Variants in SAMMSON observed in about 807,000 individuals in gnomAD.
The protein encoded by SAMMSON is long intergenic non-protein coding RNA 1212.
chr3:70,085,073 C>T (rs562068033), intron 4 of SAMMSON, among the ~76,000 whole-genome samples: 102 of 152,170 alleles, frequency 6.7e-4, no homozygotes, highest in African/African-American at 2.3e-3. Context: ...CTGGATAAAG[C>T]GGTCAAGAGG....
chr3:70,042,181 G>A (rs2067108666), intron 3 of SAMMSON, among the ~76,000 whole-genome samples: 1 of 152,054 alleles, frequency 6.6e-6, no homozygotes, highest in Admixed American at 6.6e-5. Context: ...GAGAAAATGA[G>A]TATCTATGTT....
In SAMMSON at chr3:70,356,201, C is replaced by T. The variant is rs115936490; in HGVS notation, n.842+1924C>T. On this transcript the variant is annotated intron_variant and non_coding_transcript_variant, in intron 8 of 9. Transcript: ENST00000642114. ...CCCTTCATTAACTTTTTTACAAAAT[C>T]ATTGGCTTTTTATAGATTATAAAAT... Among the ~76,000 whole-genome samples the T allele has an allele frequency of 3.3e-3, 499 of 152,154 alleles. 3 individuals carry two copies. Among genetic ancestry groups the T allele is most frequent in the African/African-American group, 0.012 (478 of 41,516 alleles).
At position 70,253,428 on chromosome 3, in the gene SAMMSON, C is replaced by T. The variant is rs138564744; in HGVS notation, n.674+3758C>T. Among the ~76,000 whole-genome samples, 392 of 152,230 alleles carry T rather than the reference C, an allele frequency of 2.6e-3. 7 individuals are homozygous for T. Among genetic ancestry groups the T allele is most frequent in the African/African-American group, 8.7e-3 (362 of 41,538 alleles). On this transcript the variant is annotated intron_variant and non_coding_transcript_variant, in intron 6 of 9. Transcript: ENST00000642114. ...TTGTAGAATACCAGAGCCTTGGCTG[C>T]TTTCGGTGGGGCACCTTATTTCCAC...
intron 6 of SAMMSON, among the ~76,000 whole-genome samples, chr3:70,276,856 CA>C (rs769679849): frequency 1.3e-5 from 2 of 152,202 alleles, no homozygotes; most frequent in Non-Finnish European, 2.9e-5. Context: ...ACAAATCCTT[CA>C]AATTAGATTG....
chr3:70,085,890 T>A (rs751876179), intron 4 of SAMMSON, among the ~76,000 whole-genome samples: 8 of 152,168 alleles, frequency 5.3e-5, no homozygotes, highest in Non-Finnish European at 1.0e-4. Context: ...CATAAGCTGA[T>A]CAACAAATGA....
chr3:70,115,118 T>G (rs73838057), intron 4 of SAMMSON, among the ~76,000 whole-genome samples: 4,318 of 151,360 alleles, frequency 0.029, 198 homozygotes, highest in African/African-American at 0.097. Flanking sequence ...CAGCACATAT[T>G]CATTAAGTGC....
intron 9 of SAMMSON, among the ~76,000 whole-genome samples, chr3:70,382,584 C>G (rs878907967): frequency 6.6e-6 from 1 of 151,676 alleles, no homozygotes; most frequent in Non-Finnish European, 1.5e-5. Flanking sequence ...TCATGGCTCT[C>G]CCTGGATGGC....
intron 4 of SAMMSON, chr3:70,075,430 G>A (rs941113143): frequency 6.6e-6 from 1 of 152,128 alleles, no homozygotes; most frequent in South Asian, 2.1e-4. Context: ...TTAGGAGTCT[G>A]TTGAAAATTG....
chr3:70,400,881 G>A (rs890888962), intron 2 of SAMMSON, among the ~76,000 whole-genome samples: 4 of 151,556 alleles, frequency 2.6e-5, no homozygotes, highest in Admixed American at 2.0e-4. Context: ...GTAGTGAGCC[G>A]AGATCACACC....
At chr3:70,281,396 A>G (rs996359318) in intron 6 of SAMMSON, among the ~76,000 whole-genome samples, 2 of 152,146 alleles carry the variant, frequency 1.3e-5, no homozygotes, top group Middle Eastern at 3.2e-3. Context: ...TAAGCTTCAG[A>G]ATTAAACCCC....
At chr3:70,317,100 T>G (rs1159974151) in intron 7 of SAMMSON, among the ~76,000 whole-genome samples, 2 of 152,034 alleles carry the variant, frequency 1.3e-5, no homozygotes, top group Non-Finnish European at 2.9e-5. Context: ...AATAGGTTTA[T>G]AACTATATAA....
chr3:70,398,059 T>A (rs1701106675), intron 2 of SAMMSON, among the ~76,000 whole-genome samples: 1 of 152,220 alleles, frequency 6.6e-6, no homozygotes, highest in Admixed American at 6.5e-5. Context: ...CAGTGGCCAG[T>A]GTCTAGAAGC....
intron 6 of SAMMSON, chr3:70,271,823 G>A (rs1245455405): frequency 6.6e-6 from 1 of 152,244 alleles, no homozygotes; most frequent in East Asian, 1.9e-4. Flanking sequence ...GAGTGGAATG[G>A]CGTGATCTCG....
chr3:70,022,426 CA>C (rs60455629), intron 3 of SAMMSON, among the ~76,000 whole-genome samples: 6,252 of 91,016 alleles, frequency 0.069, 104 homozygotes, highest in African/African-American at 0.11. Context: ...AGTATAATAA[CA>C]AAAAAAAAAA....
chr3:70,401,658 A>T (rs1701143126), intron 2 of SAMMSON, among the ~76,000 whole-genome samples: 1 of 151,924 alleles, frequency 6.6e-6, no homozygotes, highest in Non-Finnish European at 1.5e-5. Flanking sequence ...ATTCAAAAAC[A>T]TTATTGAAAG....
At chr3:70,225,761 T>G (rs1270346092) in intron 4 of SAMMSON, among the ~76,000 whole-genome samples, 1 of 152,180 alleles carries the variant, frequency 6.6e-6, no homozygotes, top group African/African-American at 2.4e-5. Flanking sequence ...ACACTTAAGA[T>G]TTATGTCTTT....
chr3:70,187,320 A>G (rs114428948), intron 4 of SAMMSON, among the ~76,000 whole-genome samples: 2 of 147,696 alleles, frequency 1.4e-5, no homozygotes, highest in African/African-American at 2.5e-5. Context: ...TACAAACCCT[A>G]TTTATCCAGG....
intron 9 of SAMMSON, among the ~76,000 whole-genome samples, chr3:70,388,669 A>G (rs1251251032): frequency 6.6e-6 from 1 of 152,186 alleles, no homozygotes; most frequent in East Asian, 1.9e-4. Context: ...AGCCAGGGTA[A>G]CATCATCCCG....
chr3:70,357,758 G>A (rs1031715611), intron 8 of SAMMSON, among the ~76,000 whole-genome samples: 20 of 152,012 alleles, frequency 1.3e-4, no homozygotes, highest in Middle Eastern at 3.4e-3. Context: ...TAATAATAAC[G>A]TGTTCACAGG....
Sources: gnomAD v4.1 joint callset for allele counts (sites outside exome capture counted in the v4.1 genomes callset) on GRCh38, gnomAD v4.1.1 for gene constraint, MANE v1.5 for transcripts, NCBI Gene and HGNC (gene_info 2026-07-23, HGNC 2026-07-21) for gene names.